EMCN: variants seen among roughly 807,000 people sequenced by gnomAD.
The protein encoded by EMCN is MUC-14.
EMCN carries 37 observed loss-of-function variants against 38.4 expected under a neutral mutation model. The ratio of observed to expected loss-of-function variants is 0.96; its 90% CI spans 0.74 to 1.27. The LOEUF is 1.27. Ranked by LOEUF, EMCN falls within the 50% of genes most tolerant of loss-of-function variation. EMCN has a pLI of 0.00. For synonymous variants in EMCN, 95 were observed against 100.8 expected, an observed-to-expected ratio of 0.94 and a Z score of 0.35; for missense variants, 318 against 302.8, an observed-to-expected ratio of 1.05 and a Z score of -0.37.
At chr4:100,442,553 TG>T (rs1468643596) in intron 5 of EMCN, among the ~76,000 whole-genome samples, 1 of 123,638 alleles carries the variant, frequency 8.1e-6, no homozygotes, top group Non-Finnish European at 1.7e-5. Flanking sequence ...TCTTGTAGGC[TG>T]TCTTCACTAT....
intron 11 of EMCN, among the ~76,000 whole-genome samples, chr4:100,406,104 T>C (rs1415438579): frequency 6.6e-6 from 1 of 152,100 alleles, no homozygotes; most frequent in Admixed American, 6.6e-5. Context: ...TCATTTCTGA[T>C]AGTGTTTATT....
chr4:100,482,380 AT>A (rs1333504255), intron 1 of EMCN, among the ~76,000 whole-genome samples: 1 of 152,092 alleles, frequency 6.6e-6, no homozygotes, highest in African/African-American at 2.4e-5. Context: ...CTAGTTAAAA[AT>A]TTGAAAGCTG....
At chr4:100,515,649 G>A (rs958764718) in intron 1 of EMCN, among the ~76,000 whole-genome samples, 5 of 151,996 alleles carry the variant, frequency 3.3e-5, no homozygotes, top group African/African-American at 1.2e-4. Context: ...TGAATTTAAG[G>A]CAGATGAAAT....
chr4:100,499,383 G>A (rs1729291405), intron 1 of EMCN, among the ~76,000 whole-genome samples: 2 of 152,198 alleles, frequency 1.3e-5, no homozygotes, highest in Admixed American at 6.5e-5. Flanking sequence ...AATGTCAGAT[G>A]TGTTACCACA....
chr4:100,489,244 C>T (rs1457566833), intron 1 of EMCN, among the ~76,000 whole-genome samples: 4 of 152,192 alleles, frequency 2.6e-5, no homozygotes, highest in Non-Finnish European at 4.4e-5. Flanking sequence ...TATTCCCATG[C>T]TACTACTTTA....
chr4:100,400,466 AC>A (rs2110202825), intron 11 of EMCN, among the ~76,000 whole-genome samples: 2 of 152,068 alleles, frequency 1.3e-5, no homozygotes, highest in Non-Finnish European at 2.9e-5. Flanking sequence ...TTTACATAAC[AC>A]TATGTTATCA....
chr4:100,402,994 G>A (rs1046200524), intron 11 of EMCN, among the ~76,000 whole-genome samples: 1 of 152,078 alleles, frequency 6.6e-6, no homozygotes, highest in East Asian at 1.9e-4. Flanking sequence ...GCTGGACAAC[G>A]TCTCTCATCC....
At chr4:100,462,761 C>G (rs571772933) in intron 4 of EMCN, among the ~76,000 whole-genome samples, 6 of 152,260 alleles carry the variant, frequency 3.9e-5, no homozygotes, top group Admixed American at 1.3e-4. Context: ...TCAAATTCCT[C>G]TACGGGGTGA....
intron 5 of EMCN, among the ~76,000 whole-genome samples, chr4:100,428,132 C>A (rs1313225668): frequency 6.6e-6 from 1 of 152,102 alleles, no homozygotes; most frequent in Non-Finnish European, 1.5e-5. Flanking sequence ...AGTGATTCAC[C>A]ATTCCACTTA....
chr4:100,403,503 T>C (rs913814030), intron 11 of EMCN, among the ~76,000 whole-genome samples: 1 of 140,654 alleles, frequency 7.1e-6, no homozygotes, highest in African/African-American at 2.9e-5. Flanking sequence ...TCATTCCATG[T>C]CTCTCTTATT....
intron 8 of EMCN, among the ~76,000 whole-genome samples, chr4:100,417,865 T>C (rs1346428451): frequency 1.3e-5 from 2 of 152,214 alleles, no homozygotes; most frequent in Non-Finnish European, 2.9e-5. Context: ...TTTAATGTGA[T>C]TGCATAAGGT....
At chr4:100,408,752 C>T (rs996148205) in intron 11 of EMCN, among the ~76,000 whole-genome samples, 8 of 152,128 alleles carry the variant, frequency 5.3e-5, no homozygotes, top group African/African-American at 1.9e-4. Flanking sequence ...AGCTTGGTGG[C>T]AGCAGGGGCA....
intron 2 of EMCN, 58 bp downstream of exon 2, chr4:100,479,859 A>T: frequency 7.1e-7 from 1 of 1,417,774 alleles, no homozygotes; most frequent in Non-Finnish European, 9.7e-7. Flanking sequence ...TGATGTATAT[A>T]CATACTACTA....
chr4:100,478,457 T>C (rs908984291), intron 2 of EMCN, among the ~76,000 whole-genome samples: 1 of 152,200 alleles, frequency 6.6e-6, no homozygotes, highest in Non-Finnish European at 1.5e-5. Context: ...TTGTCTATAT[T>C]TTTTGAGATG....
chr4:100,504,165 AAGG>A (rs1729419680), intron 1 of EMCN, among the ~76,000 whole-genome samples: 1 of 152,182 alleles, frequency 6.6e-6, no homozygotes, highest in African/African-American at 2.4e-5. Flanking sequence ...TTCCATCCCC[AAGG>A]AGAAGGGCTT....
At chr4:100,431,876 AT>A in intron 5 of EMCN, among the ~76,000 whole-genome samples, 1 of 151,952 alleles carries the variant, frequency 6.6e-6, no homozygotes, top group African/African-American at 2.4e-5. Flanking sequence ...GAGAACCCTA[AT>A]ACAGTTGTTT....
intron 1 of EMCN, chr4:100,486,876 A>G (rs926875479): frequency 1.0e-6 from 1 of 985,358 alleles, no homozygotes; most frequent in Admixed American, 6.1e-5. Flanking sequence ...TGTCTTGTTC[A>G]AAAGTACGGG....
At chr4:100,436,748 A>C (rs1163630660) in intron 5 of EMCN, among the ~76,000 whole-genome samples, 3 of 152,156 alleles carry the variant, frequency 2.0e-5, no homozygotes, top group Admixed American at 2.0e-4. Flanking sequence ...ATCCTCAGCA[A>C]ACGAATGCAG....
chr4:100,450,571 T>C lies in EMCN; in HGVS notation c.377-3000A>G, dbSNP rs183522911. Among the ~76,000 whole-genome samples the C allele has an allele frequency of 2.0e-5, 3 of 152,068 alleles. No individual in the cohort carries two copies. The East Asian group carries it at 5.8e-4, about 29-fold the overall frequency. On this transcript the variant is annotated intron_variant, in intron 4 of 11. Coordinates refer to ENST00000296420, the MANE Select transcript of EMCN (RefSeq NM_016242.4). ...ACTGATTTGCTGTTGAATAATTTAT[T>C]ATGACCAATTCAAATCCTCTTCATC... is the stretch of plus-strand genomic sequence containing the variant.
Sources: allele counts gnomAD v4.1 joint callset (sites outside exome capture counted in the v4.1 genomes callset), GRCh38; gene constraint gnomAD v4.1.1; transcripts MANE v1.5; gene names NCBI Gene and HGNC (gene_info 2026-07-23, HGNC 2026-07-21).